Variants in FBN2 observed in about 807,000 individuals in gnomAD.
FBN2 encodes the protein fibrillin-2.
In FBN2, 105 loss-of-function variants were observed where a neutral mutation model predicts 355.6. The ratio of observed to expected loss-of-function variants is 0.30; its 90% CI spans 0.25 to 0.35. FBN2 has a LOEUF of 0.35. Among genes scored for constraint, FBN2 ranks in the 10% least tolerant of loss-of-function variants. The pLI is 1.00. For synonymous variants in FBN2, 1,350 were observed against 1,301.2 expected, an observed-to-expected ratio of 1.04 and a Z score of -0.81; for missense variants, 3,280 against 3,758.7, an observed-to-expected ratio of 0.87 and a Z score of 3.33.
At chr5:128,496,108 A>T (rs1045918679) in intron 5 of FBN2, among the ~76,000 whole-genome samples, 2 of 152,170 alleles carry the variant, frequency 1.3e-5, no homozygotes, top group Admixed American at 6.5e-5. Flanking sequence ...TCTACCAAAC[A>T]TTTAAATAAC....
At position 128,290,824 on chromosome 5, in the gene FBN2, G is replaced by C; in HGVS notation, c.6353C>G (p.Ala2118Gly). The change falls in exon 50 of 65, where the codon GCT (alanine) becomes GGT (glycine). Residue 2118 changes from alanine (A) to glycine (G), a missense_variant. By Grantham distance (60) the Ala-to-Gly change is moderately conservative (BLOSUM62 0). Around this residue, in one of 6 missense-constraint regions of FBN2, gnomAD observed 2,284 missense variants for 2,749.5 expected, o/e 0.83. Transcript: ENST00000262464. ...FENGKCSVPK[A>G]FNTTKAKCCC... Reference sequence around the variant, plus strand: ...GCATTTTGCTTTTGTGGTGTTGAAAGCTTTGGGTACAGAACACTTTCCATT... The same window carrying C: ...GCATTTTGCTTTTGTGGTGTTGAAACCTTTGGGTACAGAACACTTTCCATT... 1 of 1,614,064 alleles carries C rather than the reference G, an allele frequency of 6.2e-7. No homozygotes were observed. The highest frequency in any genetic ancestry group is 8.5e-7 in the Non-Finnish European group (1 of 1,179,924).
intron 6 of FBN2, among the ~76,000 whole-genome samples, chr5:128,456,023 A>AGC (rs1554070902): frequency 5.5e-5 from 8 of 145,780 alleles, no homozygotes; most frequent in South Asian, 2.2e-4. Context: ...AAAAAAAAAA[A>AGC]GCAACTGCTG....
chr5:128,266,430 C>T (rs1765114512), intron 62 of FBN2, among the ~76,000 whole-genome samples: 3 of 152,200 alleles, frequency 2.0e-5, no homozygotes, highest in African/African-American at 7.2e-5. Context: ...CGGCTTCTGG[C>T]TGGACTCCAT....
intron 7 of FBN2, among the ~76,000 whole-genome samples, chr5:128,421,492 G>C (rs1292859224): frequency 6.6e-6 from 1 of 152,062 alleles, no homozygotes; most frequent in Non-Finnish European, 1.5e-5. Context: ...ATATATTCTG[G>C]GAAAATTAAT....
At chr5:128,393,415 G>T in intron 9 of FBN2, 47 bp from the exon 10 acceptor site, 2 of 1,529,648 alleles carry the variant, frequency 1.3e-6, no homozygotes, top group Non-Finnish European at 1.8e-6. Context: ...ATGTCTTTCT[G>T]CATAACAAAA....
intron 62 of FBN2, among the ~76,000 whole-genome samples, chr5:128,268,149 G>C (rs1765165699): frequency 6.6e-6 from 1 of 151,950 alleles, no homozygotes; most frequent in African/African-American, 2.4e-5. Flanking sequence ...ATAAAGAACA[G>C]AGAAGAATCA....
rs879628745 is a variant in FBN2, at chr5:128,288,360, A to AAT, written c.6757+76_6757+77dup. On this transcript the variant is annotated intron_variant, in intron 53 of 64. Coordinates refer to ENST00000262464, the MANE Select transcript of FBN2 (RefSeq NM_001999.4). Reference sequence around the variant, plus strand: ...TGCTCACCAGCAGAATATCAGAAGCAATATAAATAAATATTGAGACATTAA... The same window carrying AAT: ...TGCTCACCAGCAGAATATCAGAAGCAATATATAAATAAATATTGAGACATTAA... 221 of 1,498,606 alleles carry AAT rather than the reference A, an allele frequency of 1.5e-4. 3 individuals are homozygous for AAT. The Admixed American group carries it at 3.7e-3, about 25-fold the overall frequency. The allele number at this position is 1,498,606 out of a possible 1,614,324, so 92.8% of individuals were successfully genotyped here. A position where few individuals can be genotyped will look rare whatever the true frequency, so the allele number is the denominator to read the frequency against.
chr5:128,487,066 C>T (rs536763505), intron 5 of FBN2, among the ~76,000 whole-genome samples: 1 of 152,252 alleles, frequency 6.6e-6, no homozygotes, highest in South Asian at 2.1e-4. Context: ...TACGTATCTG[C>T]CCCCTTTAAA....
intron 2 of FBN2, among the ~76,000 whole-genome samples, chr5:128,533,697 A>T (rs1478583083): frequency 6.6e-6 from 1 of 152,154 alleles, no homozygotes; most frequent in East Asian, 1.9e-4. Flanking sequence ...AACATAAAGG[A>T]ATTATACCGG....
At chr5:128,519,109 C>G (rs1265826796) in intron 5 of FBN2, among the ~76,000 whole-genome samples, 164 bp downstream of exon 5, 1 of 152,136 alleles carries the variant, frequency 6.6e-6, no homozygotes, top group Admixed American at 6.5e-5. Flanking sequence ...ACTTCTGCCA[C>G]TATTAGCTAT....
At position 128,464,924 on chromosome 5, in the gene FBN2, G is replaced by C. The variant is rs376491648; in HGVS notation, c.629-3C>G. ...GAAACACGGGCCTGTCCTGTAATCT[G>C]GAATGTGGGAGAAGAAAGAAAGACA... On this transcript the variant is annotated splice_polypyrimidine_tract_variant and splice_region_variant and intron_variant, in intron 5 of 64. Transcript: ENST00000262464. The C allele has an allele frequency of 4.3e-6, 7 of 1,614,040 alleles. No homozygotes were observed. The highest frequency in any genetic ancestry group is 5.9e-6 in the Non-Finnish European group (7 of 1,179,882).
At chr5:128,456,405 T>C (rs549811119) in intron 6 of FBN2, among the ~76,000 whole-genome samples, 1 of 152,146 alleles carries the variant, frequency 6.6e-6, no homozygotes, top group South Asian at 2.1e-4. Flanking sequence ...CCGAGTGGGT[T>C]TCCCCCCAGC....
chr5:128,412,872 T>C (rs951361798), intron 7 of FBN2, among the ~76,000 whole-genome samples: 71 of 152,188 alleles, frequency 4.7e-4, no homozygotes, highest in Non-Finnish European at 2.4e-4. Context: ...GGGATAAATG[T>C]TGAGAACTTG....
At chr5:128,384,381 G>A (rs1030239763) in intron 11 of FBN2, among the ~76,000 whole-genome samples, 8 of 152,048 alleles carry the variant, frequency 5.3e-5, no homozygotes, top group African/African-American at 1.2e-4. Context: ...TCTGATTGTC[G>A]TCATGAGTTT....
intron 7 of FBN2, among the ~76,000 whole-genome samples, chr5:128,434,388 A>C (rs1206749190): frequency 1.8e-5 from 2 of 110,200 alleles, no homozygotes; most frequent in African/African-American, 7.2e-5. Context: ...GCAGTGAATA[A>C]AGTGTGTATA....
chr5:128,276,834 A>G (rs1561743357), intron 58 of FBN2, among the ~76,000 whole-genome samples: 1 of 152,110 alleles, frequency 6.6e-6, no homozygotes, highest in East Asian at 1.9e-4. Flanking sequence ...CTTTTGGCCC[A>G]GGGGTAGTAC....
In FBN2 at chr5:128,408,777, A is replaced by C; in HGVS notation, c.975T>G (p.Ile325Met). ...ATTCACCAGTTTCACATATCCCAGG[A>C]ATGATGCTGCACTCATCAATGTCTA... is the stretch of plus-strand genomic sequence containing the variant. ...KCEDIDECSIIPGICETGECS... is the reference protein window; with the variant it reads ...KCEDIDECSIMPGICETGECS... The change falls in exon 8 of 65, where the codon ATT (isoleucine) becomes ATG (methionine). Residue 325 changes from isoleucine (I) to methionine (M), a missense_variant. Physicochemically the swap from Ile to Met is conservative, Grantham distance 10. This residue lies in a region of FBN2 where 343 missense variants were observed against 331.0 expected (regional missense o/e 1.04). Transcript: ENST00000262464. 6.2e-7 allele frequency: 1 copy of C among 1,614,004 alleles called. No homozygotes were observed. Among genetic ancestry groups the C allele is most frequent in the East Asian group, 2.2e-5 (1 of 44,858 alleles).
chr5:128,310,398 ATATATTTTTTTTTT>A (rs1265804979), intron 39 of FBN2, among the ~76,000 whole-genome samples: 545 of 11,210 alleles, frequency 0.049, 11 homozygotes, highest in South Asian at 0.26. Flanking sequence ...ATATATATAT[ATATATTTTTTTTTT>A]TTTTTTTTTA....
Position 128,259,934 on chromosome 5 carries a change from C to G in FBN2, c.8365-105G>C, listed in dbSNP as rs573969125. 1.6e-5 allele frequency: 18 copies of G among 1,150,730 alleles called. No homozygotes were observed. In the South Asian group the frequency reaches 2.1e-4, roughly 14 times the overall value. 71.3% of individuals were successfully genotyped at this position (1,150,730 alleles called of 1,614,324 possible). On this transcript the variant is annotated intron_variant, in intron 64 of 64. Transcript: ENST00000262464. Reference sequence around the variant, plus strand: ...CTTTGGTCACGAGGACAGGCTGTGGCTTCCCACTCCCGCTTTCTGCACTCT... The same window carrying G: ...CTTTGGTCACGAGGACAGGCTGTGGGTTCCCACTCCCGCTTTCTGCACTCT...
Sources: allele counts gnomAD v4.1 joint callset (sites outside exome capture counted in the v4.1 genomes callset), GRCh38; gene constraint gnomAD v4.1.1; regional missense constraint gnomAD v4.1.1; transcripts MANE v1.5; gene names NCBI Gene and HGNC (gene_info 2026-07-23, HGNC 2026-07-21).